The following KCNA2 variants were observed in gnomAD, a reference collection of about 807,000 sequenced individuals.
KCNA2 encodes potassium voltage-gated channel subfamily A member 2, also known as potassium channel, voltage gated shaker related subfamily A, member 2.
In KCNA2, 11 loss-of-function variants were observed where a neutral mutation model predicts 33.4. That is an observed-to-expected ratio of 0.33 (90% CI 0.21 to 0.55). The LOEUF (loss-of-function observed/expected upper bound fraction) is 0.55. Among genes scored for constraint, KCNA2 ranks in the 20% least tolerant of loss-of-function variants. The probability of loss-of-function intolerance (pLI) is 0.93; values close to 1 mark genes in which losing one functional copy is unlikely to be tolerated. For synonymous variants in KCNA2, 222 were observed against 231.3 expected (o/e 0.96, Z 0.37); for missense variants, 291 against 621.6 (o/e 0.47, Z 5.66).
intron 1 of KCNA2, among the ~76,000 whole-genome samples, chr1:110,624,509 G>A (rs1650342468): frequency 1.3e-5 from 2 of 152,330 alleles, no homozygotes; most frequent in Admixed American, 6.5e-5. Flanking sequence ...CTGACAAGTG[G>A]CAGGAGTGAA....
upstream of KCNA2, among the ~76,000 whole-genome samples, chr1:110,610,831 G>GT (rs1050769364): frequency 1.3e-5 from 2 of 152,214 alleles, no homozygotes; most frequent in African/African-American, 4.8e-5. Flanking sequence ...ACTTGAGGCA[G>GT]TGGTGGTGCA....
At chr1:110,627,495 T>G (rs1358710333) in intron 1 of KCNA2, among the ~76,000 whole-genome samples, 3 of 152,170 alleles carry the variant, frequency 2.0e-5, no homozygotes, top group African/African-American at 7.2e-5. Flanking sequence ...CAATGCTATG[T>G]TATCTTTCTC....
rs1649552835 is a variant in KCNA2 at position 110,605,405 on chromosome 1, G to A, written c.-178C>T. 1 of 152,762 alleles carries A rather than the reference G, an allele frequency of 6.5e-6. No individual in the cohort carries two copies. Among genetic ancestry groups the A allele is most frequent in the African/African-American group, 2.4e-5 (1 of 41,442 alleles). The allele number at this position is 152,762 out of a possible 1,614,324, so 9.5% of individuals were successfully genotyped here. On this transcript the variant is annotated 5_prime_UTR_variant, in exon 2 of 3. Coordinates refer to ENST00000316361, the MANE Select transcript of KCNA2 (RefSeq NM_004974.4). Reference sequence around the variant, plus strand: ...GATTGATTTACCTGACCAGAGACGTGAAGCTCTCTTCCTTGCAGAGCTGAT... The same window carrying A: ...GATTGATTTACCTGACCAGAGACGTAAAGCTCTCTTCCTTGCAGAGCTGAT...
intron 1 of KCNA2, among the ~76,000 whole-genome samples, chr1:110,627,946 AC>A (rs1224055154): frequency 6.6e-6 from 1 of 152,196 alleles, no homozygotes; most frequent in African/African-American, 2.4e-5. Flanking sequence ...AAAAGAGGGT[AC>A]TGAAAGTAGT....
chr1:110,603,091 G>A lies in KCNA2; in HGVS notation c.*192C>T, dbSNP rs1044962739. 20 of 1,416,606 alleles carry A rather than the reference G, an allele frequency of 1.4e-5. No homozygotes were observed. Among genetic ancestry groups the A allele is most frequent in the Non-Finnish European group, 1.6e-5 (18 of 1,092,492 alleles). 87.8% of individuals were successfully genotyped at this position (1,416,606 alleles called of 1,614,324 possible). On this transcript the variant is annotated 3_prime_UTR_variant, in exon 3 of 3. Transcript: ENST00000316361. This position sits in a 1 kb window ranked among gnomAD's most constrained non-coding sequence, Gnocchi z 5.7. ...TTGGAAGTTCATAAGCCGGTGATGA[G>A]GATGTGCATGAAAGCCATGATAGAT...
Position 110,597,132 on chromosome 1 carries a change from A to G in KCNA2, c.*6151T>C, listed in dbSNP as rs980362907. ...CGGAGTCCCTTTGGTTGAGCAAGTC[A>G]GCTTATTTTGAAAGAGAGTCAGAGG... On this transcript the variant is annotated 3_prime_UTR_variant, in exon 3 of 3. Transcript: ENST00000316361. 11 of 985,318 alleles carry G rather than the reference A, an allele frequency of 1.1e-5. No individual in the cohort carries two copies. In the African/African-American group the frequency reaches 1.7e-4, roughly 16 times the overall value. 61.0% of individuals were successfully genotyped at this position (985,318 alleles called of 1,614,324 possible).
At position 110,604,809 on chromosome 1, in the gene KCNA2, G is replaced by A. The variant is rs74117897; in HGVS notation, c.-27C>T. On this transcript the variant is annotated 5_prime_UTR_variant, in exon 3 of 3. Coordinates refer to ENST00000316361, the MANE Select transcript of KCNA2 (RefSeq NM_004974.4). The surrounding 1 kb of genome is among the most constrained non-coding windows in gnomAD (Gnocchi z 7.6). ...ATTGGGACTGAGAGAAGCACCTCAC[G>A]CTATGCCTTTCAGCTGCCTGGTGGC... is the stretch of plus-strand genomic sequence containing the variant. The A allele has an allele frequency of 0.012, 19,758 of 1,582,200 alleles. 2,031 individuals carry two copies. The African/African-American group carries it at 0.23, about 18-fold the overall frequency.
chr1:110,626,398 G>C (rs1650391424), intron 1 of KCNA2, among the ~76,000 whole-genome samples: 1 of 151,696 alleles, frequency 6.6e-6, no homozygotes, highest in African/African-American at 2.4e-5. Flanking sequence ...ATCAGAGGAA[G>C]GGAAAGATAT....
Position 110,627,989 on chromosome 1 carries a change from A to G in KCNA2, c.-496+3406T>C, listed in dbSNP as rs569004988. Among the ~76,000 whole-genome samples, 5 of 152,246 alleles carry G rather than the reference A, an allele frequency of 3.3e-5. No homozygotes were observed. The East Asian group carries it at 9.7e-4, about 29-fold the overall frequency. Reference sequence around the variant, plus strand: ...CAATGCGGGAAACATATTTAGAGGGACTACTCTTGGGCAACACTGAATTTC... The same window carrying G: ...CAATGCGGGAAACATATTTAGAGGGGCTACTCTTGGGCAACACTGAATTTC... On this transcript the variant is annotated intron_variant, in intron 1 of 4. Coordinates refer to the KCNA2 transcript ENST00000369770.
upstream of KCNA2, among the ~76,000 whole-genome samples, chr1:110,610,965 G>C (rs1442522467): frequency 6.6e-6 from 1 of 151,934 alleles, no homozygotes; most frequent in African/African-American, 2.4e-5. Context: ...TATAAAATAG[G>C]TAGGACACTA....
chr1:110,595,133 A>G lies in KCNA2; in HGVS notation c.*8150T>C, dbSNP rs1185577387. The G allele has an allele frequency of 2.0e-6, 2 of 984,698 alleles. No individual in the cohort carries two copies. Among genetic ancestry groups the G allele is most frequent in the East Asian group, 2.3e-4 (2 of 8,792 alleles). The allele number at this position is 984,698 out of a possible 1,614,324, so 61.0% of individuals were successfully genotyped here. ...GGATAGCTACCAAGGGTCCTAGCAC[A>G]CAGCCACATCTACACTGCCCTCAAT... On this transcript the variant is annotated 3_prime_UTR_variant, in exon 3 of 3. Coordinates refer to ENST00000316361, the MANE Select transcript of KCNA2 (RefSeq NM_004974.4).
intron 1 of KCNA2, among the ~76,000 whole-genome samples, chr1:110,612,832 T>C (rs185921095): frequency 6.6e-6 from 1 of 152,220 alleles, no homozygotes; most frequent in Non-Finnish European, 1.5e-5. Context: ...TGGCATCACA[T>C]TAAACTGCCT....
At position 110,599,610 on chromosome 1, in the gene KCNA2, T is replaced by A; in HGVS notation, c.*3673A>T. ...TTTTAAGAGACAGGTCTCTATAGGG[T>A]CTCAACTTCCTGACCGTGCCCCCAA... On this transcript the variant is annotated 3_prime_UTR_variant, in exon 3 of 3. Transcript: ENST00000316361. 1.0e-6 allele frequency: 1 copy of A among 985,290 alleles called. No individual in the cohort carries two copies. The allele number at this position is 985,290 out of a possible 1,614,324, so 61.0% of individuals were successfully genotyped here.
chr1:110,616,399 G>A (rs952654064), intron 1 of KCNA2, among the ~76,000 whole-genome samples: 9 of 152,178 alleles, frequency 5.9e-5, no homozygotes, highest in African/African-American at 1.9e-4. Flanking sequence ...AGAATGTGGA[G>A]TGACTTCATA....
At chr1:110,610,499 C>T (rs1416536200), upstream of KCNA2, among the ~76,000 whole-genome samples, 2 of 152,198 alleles carry the variant, frequency 1.3e-5, no homozygotes, top group East Asian at 3.9e-4. Flanking sequence ...TTGATTTAAT[C>T]CTTGCAACCA....
rs1649259709 is a variant in KCNA2, at chr1:110,599,833, TGGAA to T, written c.*3446_*3449del. Reference sequence around the variant, plus strand: ...TATTGGGTTGTCTGTGCGGATTTGCTGGAAGGAAGGAAGGGTCATGGCAAGGAGG... The same window carrying T: ...TATTGGGTTGTCTGTGCGGATTTGCTGGAAGGAAGGGTCATGGCAAGGAGG... On this transcript the variant is annotated 3_prime_UTR_variant, in exon 3 of 3. Transcript: ENST00000316361. 3 of 985,350 alleles carry T rather than the reference TGGAA, an allele frequency of 3.0e-6. No individual in the cohort carries two copies. Among genetic ancestry groups the T allele is most frequent in the Non-Finnish European group, 2.4e-6 (2 of 830,022 alleles). 61.0% of individuals were successfully genotyped at this position (985,350 alleles called of 1,614,324 possible). A position where few individuals can be genotyped will look rare whatever the true frequency, so the allele number is the denominator to read the frequency against.
chr1:110,609,697 C>A (rs1241285069), upstream of KCNA2, among the ~76,000 whole-genome samples: 1 of 151,084 alleles, frequency 6.6e-6, no homozygotes, highest in Non-Finnish European at 1.5e-5. Flanking sequence ...TGAACAATGA[C>A]AAAAAAAGAA....
Position 110,598,735 on chromosome 1 carries a change from A to C in KCNA2, c.*4548T>G, listed in dbSNP as rs1472522368. On this transcript the variant is annotated 3_prime_UTR_variant, in exon 3 of 3. Coordinates refer to ENST00000316361, the MANE Select transcript of KCNA2 (RefSeq NM_004974.4). Reference sequence around the variant, plus strand: ...ATGCCAACACTAGCCTCAGAAACACAGGTGAGAGGGACAGAGGCAAGCAGA... The same window carrying C: ...ATGCCAACACTAGCCTCAGAAACACCGGTGAGAGGGACAGAGGCAAGCAGA... 92 of 985,294 alleles carry C rather than the reference A, an allele frequency of 9.3e-5. No individual in the cohort carries two copies. The highest frequency in any genetic ancestry group is 1.1e-4 in the Non-Finnish European group (89 of 829,956). 61.0% of individuals were successfully genotyped at this position (985,294 alleles called of 1,614,324 possible). A position where few individuals can be genotyped will look rare whatever the true frequency, so the allele number is the denominator to read the frequency against.
Position 110,597,025 on chromosome 1 carries a change from G to T in KCNA2, c.*6258C>A. 1.0e-6 allele frequency: 1 copy of T among 985,410 alleles called. No individual in the cohort carries two copies. Among genetic ancestry groups the T allele is most frequent in the Non-Finnish European group, 1.2e-6 (1 of 829,934 alleles). 61.0% of individuals were successfully genotyped at this position (985,410 alleles called of 1,614,324 possible). ...GTGGTAGAGTCTTTATTTCACTAAT[G>T]TCATGCCCTAACCACCCAAACTTCT... On this transcript the variant is annotated 3_prime_UTR_variant, in exon 3 of 3. Coordinates refer to ENST00000316361, the MANE Select transcript of KCNA2 (RefSeq NM_004974.4).
Sources: allele counts gnomAD v4.1 joint callset (sites outside exome capture counted in the v4.1 genomes callset), GRCh38; gene constraint gnomAD v4.1.1; non-coding constraint Gnocchi (gnomAD v3.1); transcripts MANE v1.5; gene names NCBI Gene and HGNC (gene_info 2026-07-23, HGNC 2026-07-21).